Variants in NOSTRIN observed in about 807,000 individuals in gnomAD.
NOSTRIN encodes the protein BM247 homolog.
A neutral mutation model predicts 59.0 loss-of-function variants in NOSTRIN; 63 were observed. That is an observed-to-expected ratio of 1.07 (90% CI 0.87 to 1.32). NOSTRIN has a LOEUF of 1.32. NOSTRIN is among the 40% of genes most tolerant of loss of function. NOSTRIN has a pLI of 0.00. For synonymous variants in NOSTRIN, 200 were observed against 165.4 expected (o/e 1.21, Z -1.61); for missense variants, 512 against 473.1 (o/e 1.08, Z -0.76).
chr2:168,837,253 C>T (rs1056043133), intron 7 of NOSTRIN, among the ~76,000 whole-genome samples: 1 of 149,192 alleles, frequency 6.7e-6, no homozygotes, highest in African/African-American at 2.5e-5. Context: ...TGTCATGTCT[C>T]CTTTTTACAA....
Position 168,862,026 on chromosome 2 carries a change from A to T in NOSTRIN, c.1361A>T (p.Asp454Val). ...TTGTATTCTTTTCAAGCCAGGCAAG[A>T]TGATGAGTTGAATTTGGAAAAGGGT... is the stretch of plus-strand genomic sequence containing the variant. Reference protein sequence around the residue: ...KALYSFQARQDDELNLEKGDI... With the variant: ...KALYSFQARQVDELNLEKGDI... Residue 454 changes from aspartate to valine, a missense_variant, in exon 15 of 16, where the codon GAT becomes GTT. By Grantham distance (152) the Asp-to-Val change is radical. Transcript: ENST00000317647. The T allele has an allele frequency of 6.2e-7, 1 of 1,614,184 alleles. No homozygotes were observed. The highest frequency in any genetic ancestry group is 1.7e-5 in the Admixed American group (1 of 60,026).
At chr2:168,841,955 C>T (rs967220038) in intron 7 of NOSTRIN, among the ~76,000 whole-genome samples, 1 of 152,156 alleles carries the variant, frequency 6.6e-6, no homozygotes, top group African/African-American at 2.4e-5. Context: ...GTAAGGCTGT[C>T]TTTCTGGAGT....
intron 1 of NOSTRIN, 137 bp downstream of exon 1, chr2:168,802,810 G>A: frequency 1.4e-6 from 1 of 735,906 alleles, no homozygotes; most frequent in Non-Finnish European, 2.4e-6. Context: ...TGGTGCAAAA[G>A]TTTGTGGTTT....
At chr2:168,836,364 T>C (rs1164915889) in intron 7 of NOSTRIN, among the ~76,000 whole-genome samples, 2 of 152,170 alleles carry the variant, frequency 1.3e-5, no homozygotes, top group Non-Finnish European at 2.9e-5. Context: ...CCCTGGGAAG[T>C]AAAGATCCAC....
intron 7 of NOSTRIN, among the ~76,000 whole-genome samples, chr2:168,840,296 T>C (rs948318483): frequency 6.6e-5 from 10 of 152,054 alleles, no homozygotes; most frequent in Admixed American, 2.6e-4. Flanking sequence ...TTTGGGAGGC[T>C]GAAACGGGCG....
chr2:168,853,110 C>G (rs1688871399), intron 10 of NOSTRIN, among the ~76,000 whole-genome samples: 1 of 152,150 alleles, frequency 6.6e-6, no homozygotes, highest in Admixed American at 6.5e-5. Flanking sequence ...TTGGCATGTT[C>G]AGGGAAATTT....
At chr2:168,827,752 TAGAGA>T (rs1687131868) in intron 3 of NOSTRIN, among the ~76,000 whole-genome samples, 1 of 151,714 alleles carries the variant, frequency 6.6e-6, no homozygotes, top group Admixed American at 6.6e-5. Flanking sequence ...AAGTTTTTCG[TAGAGA>T]AAAGGTCTCG....
intron 7 of NOSTRIN, among the ~76,000 whole-genome samples, 174 bp downstream of exon 7, chr2:168,834,499 G>GTGCACACACACACACA (rs1553527053): frequency 7.0e-5 from 2 of 28,574 alleles, no homozygotes; most frequent in African/African-American, 1.7e-4. Context: ...GTGCGCGCGC[G>GTGCACACACACACACA]CGCGCGCGCA....
chr2:168,859,398 G>A, intron 12 of NOSTRIN, 114 bp from the exon 13 acceptor site: 1 of 1,465,148 alleles, frequency 6.8e-7, no homozygotes, highest in Non-Finnish European at 9.2e-7. Context: ...ATCTGTATGA[G>A]TTAAATGCGT....
At position 168,792,633 on chromosome 2, in the gene NOSTRIN, T is replaced by C. The variant is rs1410228871; in HGVS notation, c.-473+4585T>C. 3.9e-5 allele frequency among the ~76,000 whole-genome samples: 6 copies of C among 152,006 alleles called. No individual in the cohort carries two copies. The East Asian group carries it at 1.2e-3, about 29-fold the overall frequency. On this transcript the variant is annotated intron_variant, in intron 2 of 20. Coordinates refer to the NOSTRIN transcript ENST00000458381. ...CTCAGCTAATTTTTTGTTTGTTTGT[T>C]TGTTTTGTTTTGTTTTTTGTATTTT...
At chr2:168,854,228 T>G (rs1157427873) in intron 10 of NOSTRIN, among the ~76,000 whole-genome samples, 1 of 152,228 alleles carries the variant, frequency 6.6e-6, no homozygotes, top group Non-Finnish European at 1.5e-5. Flanking sequence ...AATATTTTTA[T>G]CTGTATATGT....
rs556122748 is a variant in NOSTRIN, at chr2:168,831,501, T to A, written c.372T>A (p.Asn124Lys). 18 of 866,930 alleles carry A rather than the reference T, an allele frequency of 2.1e-5. No individual in the cohort carries two copies. The highest frequency in any genetic ancestry group is 1.6e-4 in the African/African-American group (10 of 61,408). The allele number at this position is 866,930 out of a possible 1,614,324, so 53.7% of individuals were successfully genotyped here. Residue 124 changes from asparagine to lysine, a missense_variant, in exon 6 of 16, where the codon AAT becomes AAA. By Grantham distance (94) the Asn-to-Lys change is moderately conservative (BLOSUM62 0). Coordinates refer to ENST00000317647, the MANE Select transcript of NOSTRIN (RefSeq NM_001039724.4). ...SLDNEVEKTA[N>K]LVISNWNQQI... Reference sequence around the variant, plus strand: ...ACAATGAAGTTGAAAAGACAGCAAATCTTGTCATTAGCAACTGGAATCAGC... The same window carrying A: ...ACAATGAAGTTGAAAAGACAGCAAAACTTGTCATTAGCAACTGGAATCAGC...
At chr2:168,800,915 AAAAAAC>A (rs1685594267), upstream of NOSTRIN, among the ~76,000 whole-genome samples, 2 of 149,816 alleles carry the variant, frequency 1.3e-5, no homozygotes, top group South Asian at 4.2e-4. Context: ...TCTTTTAAAA[AAAAAAC>A]AAAAAAAGAG....
intron 6 of NOSTRIN, among the ~76,000 whole-genome samples, chr2:168,833,725 CCAGA>C (rs1416488980): frequency 1.3e-5 from 2 of 152,194 alleles, no homozygotes; most frequent in Non-Finnish European, 2.9e-5. Flanking sequence ...TCACAAGATG[CCAGA>C]CAAATGCCCA....
intron 7 of NOSTRIN, among the ~76,000 whole-genome samples, chr2:168,839,695 C>T (rs138859026): frequency 0.02 from 2,962 of 151,746 alleles, 87 homozygotes; most frequent in African/African-American, 0.066. Context: ...GGGCAGATTA[C>T]CTGAGGTCAG....
chr2:168,836,050 A>C lies in NOSTRIN; in HGVS notation c.504+1725A>C, dbSNP rs138175032. On this transcript the variant is annotated intron_variant, in intron 7 of 15. Transcript: ENST00000317647. ...AAAGGAAGAGAAAATTGTCATCACCAGTAGCTCTTTCATCTGAAGAAATAT... is the reference window on the plus strand; with the variant it reads ...AAAGGAAGAGAAAATTGTCATCACCCGTAGCTCTTTCATCTGAAGAAATAT... Among the ~76,000 whole-genome samples, 22 of 152,368 alleles carry C rather than the reference A, an allele frequency of 1.4e-4. 1 individual carries two copies. In the East Asian group the frequency reaches 4.2e-3, roughly 29 times the overall value.
At chr2:168,817,628 G>A (rs1320901992) in intron 2 of NOSTRIN, among the ~76,000 whole-genome samples, 3 of 152,128 alleles carry the variant, frequency 2.0e-5, no homozygotes, top group Non-Finnish European at 4.4e-5. Flanking sequence ...ACTAAGCTTA[G>A]GAATGAATGC....
intron 7 of NOSTRIN, among the ~76,000 whole-genome samples, chr2:168,834,811 A>T (rs186850103): frequency 3.0e-4 from 46 of 152,250 alleles, no homozygotes; most frequent in African/African-American, 8.4e-4. Flanking sequence ...AATACCCCAA[A>T]TAAGTAAAAA....
intron 2 of NOSTRIN, chr2:168,811,912 C>A: frequency 3.4e-6 from 1 of 297,094 alleles, no homozygotes; most frequent in Non-Finnish European, 6.2e-6. Flanking sequence ...GGGTTTATTA[C>A]CCTCTCCTGG....
Sources: gnomAD v4.1 joint callset for allele counts (sites outside exome capture counted in the v4.1 genomes callset) on GRCh38, gnomAD v4.1.1 for gene constraint, MANE v1.5 for transcripts, NCBI Gene and HGNC (gene_info 2026-07-23, HGNC 2026-07-21) for gene names.